GRK1: variants seen among roughly 807,000 people sequenced by gnomAD.
The protein encoded by GRK1 is G protein-coupled receptor kinase 1, also known as rhodopsin kinase GRK1.
A neutral mutation model predicts 41.7 loss-of-function variants in GRK1; 28 were observed. The ratio of observed to expected loss-of-function variants is 0.67; its 90% CI spans 0.50 to 0.92. The LOEUF (loss-of-function observed/expected upper bound fraction) is 0.92. GRK1 is among the 40% of genes least tolerant of loss of function. The pLI is 0.00. For missense variants in GRK1, 703 were observed against 671.2 expected (o/e 1.05, Z -0.52); for synonymous variants, 327 against 286.7 (o/e 1.14, Z -1.42).
At chr13:113,733,580 TGC>T (rs2049956268) in intron 6 of GRK1, among the ~76,000 whole-genome samples, 1 of 151,628 alleles carries the variant, frequency 6.6e-6, no homozygotes, top group Non-Finnish European at 1.5e-5. Flanking sequence ...TGTATGTGTG[TGC>T]ATACGTGTGT....
chr13:113,649,640 G>C, the GRK1 span: 1 of 1,313,472 alleles, frequency 7.6e-7, no homozygotes, highest in Non-Finnish European at 1.0e-6. The surrounding 1 kb of genome is among the most constrained non-coding windows in gnomAD (Gnocchi z 4.7). Flanking sequence ...CAGAGAAGCA[G>C]CTCTTTTGTG....
intron 6 of GRK1, among the ~76,000 whole-genome samples, chr13:113,733,672 C>T (rs534107583): frequency 0.057 from 5,042 of 89,014 alleles, 480 homozygotes; most frequent in African/African-American, 0.18. Context: ...CGTGTGTGCA[C>T]GTGTGTGCAT....
At chr13:113,653,123 G>T in the GRK1 span, 6 of 1,571,340 alleles carry the variant, frequency 3.8e-6, no homozygotes, top group Non-Finnish European at 5.2e-6. Flanking sequence ...CCTGACGCCT[G>T]GCTGCCCCCC....
chr13:113,671,915 T>C lies in GRK1; in HGVS notation c.985+259T>C, dbSNP rs1236943622. On this transcript the variant is annotated intron_variant, in intron 3 of 6. Transcript: ENST00000335678. This position sits in a 1 kb window ranked among gnomAD's most constrained non-coding sequence, Gnocchi z 4.1. ...AGTCCCCACCTTCCTTCTGCCTGAA[T>C]GAGGCGTCACACAGGGATTCTTCTC... Among the ~76,000 whole-genome samples the C allele has an allele frequency of 6.6e-6, 1 of 152,078 alleles. No homozygotes were observed. The highest frequency in any genetic ancestry group is 2.4e-5 in the African/African-American group (1 of 41,396).
In GRK1 at chr13:113,671,598, C is replaced by T; in HGVS notation, c.927C>T (p.His309=). Residue 309 remains histidine, a synonymous_variant, in exon 3 of 7, where the codon CAC becomes CAT. Transcript: ENST00000335678. The surrounding 1 kb of genome is among the most constrained non-coding windows in gnomAD (Gnocchi z 4.1). The stretch of plus-strand genomic sequence containing the variant: ...TCATCTGCGGCCTGGAGCACCTGCA[C>T]CAGAGGCGGATCGTCTACCGCGACC... ...AQIICGLEHL[H]QRRIVYRDLK... The T allele has an allele frequency of 1.3e-6, 1 of 774,316 alleles. No individual in the cohort carries two copies. 48.0% of individuals were successfully genotyped at this position (774,316 alleles called of 1,614,324 possible).
chr13:113,651,269 T>C, the GRK1 span, among the ~76,000 whole-genome samples: 3 of 152,236 alleles, frequency 2.0e-5, no homozygotes, highest in Admixed American at 1.3e-4. Context: ...CTGAGATCGA[T>C]GCCAACTCTT....
At chr13:113,670,976 A>C (rs956478723) in intron 2 of GRK1, among the ~76,000 whole-genome samples, 28 of 151,956 alleles carry the variant, frequency 1.8e-4, no homozygotes, top group African/African-American at 6.5e-4. Context: ...CTGTGACGAT[A>C]CTCCTGGTGC....
intron 5 of GRK1, 91 bp from the exon 6 acceptor site, chr13:113,732,793 A>G: frequency 7.2e-7 from 1 of 1,380,488 alleles, no homozygotes; most frequent in Non-Finnish European, 9.9e-7. Flanking sequence ...CGCGTGGGTG[A>G]GCGGTGGCTC....
the GRK1 span, among the ~76,000 whole-genome samples, chr13:113,655,575 C>T: frequency 3.3e-5 from 5 of 152,236 alleles, no homozygotes; most frequent in Admixed American, 2.0e-4. Flanking sequence ...CGGAAGCCAC[C>T]GTCCCCGTGG....
rs185409102 is a variant in GRK1 at position 113,735,695 on chromosome 13, C to G, written c.*332C>G. On this transcript the variant is annotated 3_prime_UTR_variant, in exon 7 of 7. Coordinates refer to ENST00000335678, the MANE Select transcript of GRK1 (RefSeq NM_002929.3). The stretch of plus-strand genomic sequence containing the variant: ...CCTCCTGCATTGGTGATTGACCAAC[C>G]GTGTGGTCAGGGGCAGAGACTCGGT... 1 of 222,202 alleles carries G rather than the reference C, an allele frequency of 4.5e-6. No individual in the cohort carries two copies. The highest frequency in any genetic ancestry group is 2.3e-5 in the African/African-American group (1 of 44,080). The allele number at this position is 222,202 out of a possible 1,614,324, so 13.8% of individuals were successfully genotyped here.
At chr13:113,650,220 A>G in the GRK1 span, among the ~76,000 whole-genome samples, 2 of 151,882 alleles carry the variant, frequency 1.3e-5, no homozygotes, top group African/African-American at 2.4e-5. The surrounding 1 kb of genome is among the most constrained non-coding windows in gnomAD (Gnocchi z 5.0). Context: ...ATGTTGCGTG[A>G]GAGGAATGTT....
chr13:113,734,210 G>A (rs1485502433), intron 6 of GRK1, among the ~76,000 whole-genome samples: 22 of 152,186 alleles, frequency 1.4e-4, no homozygotes, highest in Admixed American at 1.1e-3. Context: ...GGGAGCAGAA[G>A]ACCCCCCAAA....
At position 113,733,704 on chromosome 13, in the gene GRK1, CGT is replaced by C. The variant is rs370110804; in HGVS notation, c.1396+625_1396+626del. ...GCATGTATGTGTGCATACATGTGTG[CGT>C]GTGTGCGCACGTGTGTGTGCGCGCG... On this transcript the variant is annotated intron_variant, in intron 6 of 6. Transcript: ENST00000335678. 1.6e-3 allele frequency among the ~76,000 whole-genome samples: 154 copies of C among 97,234 alleles called. 2 individuals carry two copies. In the East Asian group the frequency reaches 0.023, roughly 15 times the overall value. 63.8% of individuals were successfully genotyped at this position (97,234 alleles called of 152,430 possible). A position where few individuals can be genotyped will look rare whatever the true frequency, so the allele number is the denominator to read the frequency against.
chr13:113,657,209 C>T, the GRK1 span, among the ~76,000 whole-genome samples: 4 of 152,076 alleles, frequency 2.6e-5, no homozygotes, highest in Non-Finnish European at 1.5e-5. Context: ...GCTCTGGGAC[C>T]CCCAGAGCCG....
chr13:113,730,634 G>A (rs1168361132), intron 4 of GRK1, among the ~76,000 whole-genome samples: 3 of 152,368 alleles, frequency 2.0e-5, no homozygotes, highest in African/African-American at 7.2e-5. Context: ...CAGTCCTGTG[G>A]TTAAGGGCCT....
chr13:113,656,201 G>C, the GRK1 span, among the ~76,000 whole-genome samples: 3 of 152,212 alleles, frequency 2.0e-5, no homozygotes, highest in African/African-American at 7.2e-5. Context: ...TGGCCCTGCA[G>C]GTCCTGCCTC....
the GRK1 span, chr13:113,653,519 A>C: frequency 1.0e-5 from 13 of 1,288,440 alleles, no homozygotes; most frequent in Admixed American, 2.4e-4. Flanking sequence ...AGGATACGCC[A>C]GAGGCGGTGG....
rs1262573228 is a variant in GRK1, at chr13:113,735,445, G to T, written c.*82G>T. 6.4e-6 allele frequency: 9 copies of T among 1,395,914 alleles called. No homozygotes were observed. In the African/African-American group the frequency reaches 1.0e-4, roughly 16 times the overall value. 86.5% of individuals were successfully genotyped at this position (1,395,914 alleles called of 1,614,324 possible). On this transcript the variant is annotated 3_prime_UTR_variant, in exon 7 of 7. Transcript: ENST00000335678. ...CCTGCCTCCGTGGTGCCAGCCTGGG[G>T]TCTGCTAGCAAGGGGACACGTGGTT...
At chr13:113,668,598 C>CG (rs1368068558) in intron 1 of GRK1, among the ~76,000 whole-genome samples, 29 of 152,248 alleles carry the variant, frequency 1.9e-4, no homozygotes, top group Non-Finnish European at 3.4e-4. Flanking sequence ...GTGCTGTCCT[C>CG]GGGGGTGGGA....
Sources: allele counts gnomAD v4.1 joint callset (sites outside exome capture counted in the v4.1 genomes callset), GRCh38; gene constraint gnomAD v4.1.1; non-coding constraint Gnocchi (gnomAD v3.1); transcripts MANE v1.5; gene names NCBI Gene and HGNC (gene_info 2026-07-23, HGNC 2026-07-21).